The following CDH13 variants were observed in gnomAD, a reference collection of about 807,000 sequenced individuals.
CDH13 encodes cadherin 13, also known as cadherin-13.
CDH13 carries 24 observed loss-of-function variants against 63.8 expected under a neutral mutation model. That is an observed-to-expected ratio of 0.38 (90% CI 0.27 to 0.53). The LOEUF (loss-of-function observed/expected upper bound fraction) is 0.53. Ranked by LOEUF, CDH13 falls within the 20% of genes least tolerant of loss-of-function variation. CDH13 has a pLI of 0.85. For synonymous variants in CDH13, 503 were observed against 355.3 expected (o/e 1.42, Z -4.67); for missense variants, 1,049 against 903.1 (o/e 1.16, Z -2.07).
intron 10 of CDH13, among the ~76,000 whole-genome samples, chr16:83,725,168 G>A (rs1472228186): frequency 6.6e-6 from 1 of 152,218 alleles, no homozygotes; most frequent in East Asian, 1.9e-4. Flanking sequence ...AGTCAAGGAA[G>A]GAAGGGACAG....
At chr16:83,779,798 C>T (rs968021996) in intron 11 of CDH13, among the ~76,000 whole-genome samples, 170 bp from the exon 12 acceptor site, 33 of 152,132 alleles carry the variant, frequency 2.2e-4, no homozygotes, top group African/African-American at 7.7e-4. Context: ...GTTGTGGCTG[C>T]AGTGAGCCAT....
rs565913447 is a variant in CDH13 at position 82,724,161 on chromosome 16, A to G, written c.45+97024A>G. ...AAGAGGTTTTTTGTTATATACACAA[A>G]TTGTACTTTTTCTTATTTCTCATTT... On this transcript the variant is annotated intron_variant, in intron 1 of 13. Coordinates refer to ENST00000567109, the MANE Select transcript of CDH13 (RefSeq NM_001257.5). Among the ~76,000 whole-genome samples, 4 of 152,276 alleles carry G rather than the reference A, an allele frequency of 2.6e-5. No homozygotes were observed. In the East Asian group the frequency reaches 5.8e-4, roughly 22 times the overall value.
rs114281143 is a variant in CDH13 at position 82,886,484 on chromosome 16, A to G, written c.157+28011A>G. 1.8e-3 allele frequency among the ~76,000 whole-genome samples: 270 copies of G among 152,192 alleles called. 1 individual carries two copies. Among genetic ancestry groups the G allele is most frequent in the African/African-American group, 6.1e-3 (255 of 41,522 alleles). On this transcript the variant is annotated intron_variant, in intron 2 of 13. Transcript: ENST00000567109. ...ACTTGTTTTTATTTGATCACCAGCA[A>G]AGTTAAACTTTGCCATGTGTTTTTT...
chr16:82,960,749 G>A (rs142645666), intron 2 of CDH13, among the ~76,000 whole-genome samples: 1 of 152,002 alleles, frequency 6.6e-6, no homozygotes, highest in Non-Finnish European at 1.5e-5. Context: ...GAACTTCTTT[G>A]TATAAGGACG....
intron 6 of CDH13, among the ~76,000 whole-genome samples, chr16:83,418,185 C>T (rs528620402): frequency 6.6e-6 from 1 of 152,148 alleles, no homozygotes; most frequent in Admixed American, 6.5e-5. Context: ...TACACTTTTC[C>T]TCATTTGAAA....
At chr16:83,144,485 C>A (rs1449484114) in intron 4 of CDH13, among the ~76,000 whole-genome samples, 1 of 152,222 alleles carries the variant, frequency 6.6e-6, no homozygotes, top group Non-Finnish European at 1.5e-5. Flanking sequence ...ATCAGCAATA[C>A]ATGATCAGAT....
chr16:82,681,229 A>T (rs1378927409), intron 1 of CDH13, among the ~76,000 whole-genome samples: 3 of 152,254 alleles, frequency 2.0e-5, no homozygotes, highest in Non-Finnish European at 4.4e-5. Flanking sequence ...ATGAACCTTG[A>T]AAACCTGATG....
Position 83,797,640 on chromosome 16 carries a change from G to A in CDH13, c.*2610G>A, listed in dbSNP as rs1904288734. On this transcript the variant is annotated 3_prime_UTR_variant, in exon 14 of 14. Coordinates refer to ENST00000567109, the MANE Select transcript of CDH13 (RefSeq NM_001257.5). ...ATTACATTGTTTACTGAAAACCATA[G>A]TAGAATCAAAATGTTATTTCATTAT... The A allele has an allele frequency of 6.6e-6, 1 of 152,200 alleles. No individual in the cohort carries two copies. The highest frequency in any genetic ancestry group is 2.1e-4 in the South Asian group (1 of 4,834). The allele number at this position is 152,200 out of a possible 1,614,324, so 9.4% of individuals were successfully genotyped here.
chr16:83,305,017 T>TC (rs953976311), intron 5 of CDH13, among the ~76,000 whole-genome samples: 1 of 152,198 alleles, frequency 6.6e-6, no homozygotes, highest in African/African-American at 2.4e-5. Flanking sequence ...ATATACGCAT[T>TC]CCCCACAGAC....
chr16:83,416,916 A>G (rs1343952651), intron 6 of CDH13, among the ~76,000 whole-genome samples: 2 of 152,196 alleles, frequency 1.3e-5, no homozygotes, highest in African/African-American at 4.8e-5. Flanking sequence ...AAAAATGTGC[A>G]AAGTCTTTAG....
At chr16:83,014,334 A>C (rs569218613) in intron 2 of CDH13, among the ~76,000 whole-genome samples, 2 of 151,652 alleles carry the variant, frequency 1.3e-5, no homozygotes, top group Admixed American at 6.6e-5. Flanking sequence ...AAAAAAAAAA[A>C]AAAAAAAAAC....
At chr16:83,261,220 G>T (rs1906951687) in intron 5 of CDH13, among the ~76,000 whole-genome samples, 1 of 152,148 alleles carries the variant, frequency 6.6e-6, no homozygotes, top group Admixed American at 6.5e-5. Context: ...CACAGCACAT[G>T]GGTTGCTGAA....
At chr16:83,437,394 G>A (rs990319623) in intron 6 of CDH13, among the ~76,000 whole-genome samples, 1 of 152,164 alleles carries the variant, frequency 6.6e-6, no homozygotes, top group Non-Finnish European at 1.5e-5. Context: ...GATAAAGGCT[G>A]GCCGGGTACG....
intron 8 of CDH13, among the ~76,000 whole-genome samples, chr16:83,660,391 G>A (rs1452086894): frequency 6.6e-6 from 1 of 152,164 alleles, no homozygotes; most frequent in African/African-American, 2.4e-5. Context: ...TCCCTCGTGT[G>A]TGCAGTTCAC....
intron 3 of CDH13, among the ~76,000 whole-genome samples, chr16:83,095,710 G>A (rs1486869846): frequency 6.6e-6 from 1 of 152,118 alleles, no homozygotes; most frequent in African/African-American, 2.4e-5. Context: ...TCAGAACCAT[G>A]AATTCAGAGG....
chr16:83,373,123 C>T (rs1219379071), intron 6 of CDH13, among the ~76,000 whole-genome samples: 1 of 152,094 alleles, frequency 6.6e-6, no homozygotes, highest in African/African-American at 2.4e-5. Flanking sequence ...TGGGTATTTC[C>T]ATAATATTGA....
At position 83,541,971 on chromosome 16, in the gene CDH13, T is replaced by C. The variant is rs1179492670; in HGVS notation, c.960+55316T>C. Reference sequence around the variant, plus strand: ...CAAGTGTCCAGCATTTGGAAGCAAGTCAATAAATACTAGCTATTATTGCTA... The same window carrying C: ...CAAGTGTCCAGCATTTGGAAGCAAGCCAATAAATACTAGCTATTATTGCTA... On this transcript the variant is annotated intron_variant, in intron 7 of 13. Transcript: ENST00000567109. 5.9e-5 allele frequency among the ~76,000 whole-genome samples: 9 copies of C among 152,222 alleles called. No individual in the cohort carries two copies. In the East Asian group the frequency reaches 1.7e-3, roughly 29 times the overall value.
chr16:83,634,739 T>G (rs2150799841), intron 8 of CDH13, among the ~76,000 whole-genome samples: 2 of 152,258 alleles, frequency 1.3e-5, no homozygotes, highest in South Asian at 2.1e-4. Flanking sequence ...GCCCCTGAGA[T>G]TCATCCAAGT....
At chr16:83,189,954 G>T (rs540436009) in intron 4 of CDH13, among the ~76,000 whole-genome samples, 5 of 152,254 alleles carry the variant, frequency 3.3e-5, no homozygotes, top group Admixed American at 1.3e-4. Context: ...AAGCTCTCTT[G>T]CCTGCCCCCA....
Sources: gnomAD v4.1 joint callset for allele counts (sites outside exome capture counted in the v4.1 genomes callset) on GRCh38, gnomAD v4.1.1 for gene constraint, MANE v1.5 for transcripts, NCBI Gene and HGNC (gene_info 2026-07-23, HGNC 2026-07-21) for gene names.